Variants in KHDRBS2 observed in about 807,000 individuals in gnomAD.
KHDRBS2 encodes the protein KH domain-containing, RNA-binding, signal transduction-associated protein 2.
A neutral mutation model predicts 44.3 loss-of-function variants in KHDRBS2; 26 were observed. That is an observed-to-expected ratio of 0.59 (90% CI 0.43 to 0.81). KHDRBS2 has a LOEUF of 0.81. Ranked by LOEUF, KHDRBS2 falls within the 40% of genes least tolerant of loss-of-function variation. KHDRBS2 has a pLI of 0.00. For missense variants in KHDRBS2, 476 were observed against 433.1 expected (o/e 1.10, Z -0.88); for synonymous variants, 194 against 151.1 (o/e 1.28, Z -2.08).
chr6:61,698,269 C>T (rs1422967056), intron 7 of KHDRBS2, among the ~76,000 whole-genome samples: 1 of 152,064 alleles, frequency 6.6e-6, no homozygotes, highest in African/African-American at 2.4e-5. Flanking sequence ...CCTATGGTTA[C>T]CTTCTCATTT....
chr6:61,688,046 T>A (rs1767005786), intron 8 of KHDRBS2, among the ~76,000 whole-genome samples: 1 of 151,902 alleles, frequency 6.6e-6, no homozygotes. Flanking sequence ...ATTTTATTTC[T>A]AATTATCATC....
chr6:61,956,354 A>T (rs1383395744), intron 4 of KHDRBS2, among the ~76,000 whole-genome samples: 1 of 152,244 alleles, frequency 6.6e-6, no homozygotes, highest in Non-Finnish European at 1.5e-5. Context: ...AAAAGACATC[A>T]TAGGGGGTAA....
chr6:62,107,234 C>T (rs1392619599), intron 2 of KHDRBS2, among the ~76,000 whole-genome samples: 4 of 152,106 alleles, frequency 2.6e-5, no homozygotes, highest in Non-Finnish European at 4.4e-5. Flanking sequence ...TGATAAGCAA[C>T]TTCAGCAAAG....
intron 6 of KHDRBS2, among the ~76,000 whole-genome samples, chr6:61,870,968 T>G (rs1798572505): frequency 6.6e-6 from 1 of 152,168 alleles, no homozygotes; most frequent in Non-Finnish European, 1.5e-5. Context: ...GGATCACAAC[T>G]TCTCTCCAGC....
intron 6 of KHDRBS2, among the ~76,000 whole-genome samples, chr6:61,877,910 T>C (rs1010810485): frequency 5.9e-5 from 9 of 151,964 alleles, no homozygotes; most frequent in African/African-American, 2.2e-4. Context: ...AAATGTTTAA[T>C]AGTTGAAGAT....
At chr6:62,196,150 A>C (rs1275650218) in intron 1 of KHDRBS2, among the ~76,000 whole-genome samples, 3 of 152,178 alleles carry the variant, frequency 2.0e-5, no homozygotes, top group Non-Finnish European at 4.4e-5. Flanking sequence ...CAGAATTTGA[A>C]ATCCCTGTAT....
At chr6:61,615,872 G>C in the KHDRBS2 span, among the ~76,000 whole-genome samples, 1 of 152,130 alleles carries the variant, frequency 6.6e-6, no homozygotes, top group Non-Finnish European at 1.5e-5. Context: ...CCTACCAGAG[G>C]AAAAATTAGA....
chr6:61,886,617 A>G (rs1334943450), intron 6 of KHDRBS2, among the ~76,000 whole-genome samples: 1 of 152,116 alleles, frequency 6.6e-6, no homozygotes, highest in Admixed American at 6.6e-5. Context: ...CCCAAATATC[A>G]TAAGTAGGTT....
chr6:62,278,433 C>T lies in KHDRBS2; in HGVS notation c.91+7425G>A, dbSNP rs1441937443. On this transcript the variant is annotated intron_variant, in intron 1 of 8. Coordinates refer to ENST00000281156, the MANE Select transcript of KHDRBS2 (RefSeq NM_152688.4). ...TATGTTCCCATTCTCAGGTACCAGG[C>T]CATAAAAAAACCTTAAAATCAGATA... is the stretch of plus-strand genomic sequence containing the variant. Among the ~76,000 whole-genome samples, 10 of 151,972 alleles carry T rather than the reference C, an allele frequency of 6.6e-5. No individual in the cohort carries two copies. In the East Asian group the frequency reaches 1.9e-3, roughly 29 times the overall value.
chr6:62,092,361 T>A (rs576529254), intron 2 of KHDRBS2, among the ~76,000 whole-genome samples: 1 of 152,194 alleles, frequency 6.6e-6, no homozygotes, highest in African/African-American at 2.4e-5. Flanking sequence ...AATATCTTCA[T>A]AGAGGTAATC....
rs57424514 is a variant in KHDRBS2, at chr6:62,087,653, T to A, written c.220-39659A>T. On this transcript the variant is annotated intron_variant, in intron 2 of 8. Transcript: ENST00000281156. The stretch of plus-strand genomic sequence containing the variant: ...TTTCCTTTATTTCAAGCTTGGTGAA[T>A]CTGATCATTATGTGTCTTGAGGTTG... 3.8e-3 allele frequency among the ~76,000 whole-genome samples: 584 copies of A among 152,296 alleles called. 2 individuals carry two copies. Among genetic ancestry groups the A allele is most frequent in the African/African-American group, 0.014 (565 of 41,548 alleles).
At chr6:62,281,141 A>G (rs1205643585) in intron 1 of KHDRBS2, among the ~76,000 whole-genome samples, 2 of 149,662 alleles carry the variant, frequency 1.3e-5, no homozygotes, top group Non-Finnish European at 2.9e-5. Context: ...ACTAAACATG[A>G]TATTTTTAAA....
At chr6:62,017,782 C>T (rs1781473369) in intron 3 of KHDRBS2, among the ~76,000 whole-genome samples, 1 of 152,040 alleles carries the variant, frequency 6.6e-6, no homozygotes, top group African/African-American at 2.4e-5. Context: ...ATTTTTCATT[C>T]TAAAGTATAA....
chr6:61,633,183 T>C, the KHDRBS2 span, among the ~76,000 whole-genome samples: 1 of 152,038 alleles, frequency 6.6e-6, no homozygotes, highest in Non-Finnish European at 1.5e-5. Context: ...ATAAAAGAAC[T>C]GTTTCCAAAC....
chr6:62,056,326 C>T (rs553677635), intron 2 of KHDRBS2, among the ~76,000 whole-genome samples: 1 of 152,012 alleles, frequency 6.6e-6, no homozygotes, highest in African/African-American at 2.4e-5. Context: ...TAACGCTTTA[C>T]ATAAAACTCA....
chr6:61,663,500 C>CATATATATATATATATATGTAT, the KHDRBS2 span, among the ~76,000 whole-genome samples: 68 of 35,992 alleles, frequency 1.9e-3, 17 homozygotes, highest in South Asian at 4.9e-3. Context: ...CATGAGACAC[C>CATATATATATATATATATGTAT]ATATATATAT....
the KHDRBS2 span, among the ~76,000 whole-genome samples, chr6:61,616,675 A>C: frequency 6.6e-6 from 1 of 151,954 alleles, no homozygotes; most frequent in Non-Finnish European, 1.5e-5. Context: ...CTGTTACTTT[A>C]TTTCTTTTTG....
intron 3 of KHDRBS2, among the ~76,000 whole-genome samples, chr6:62,032,437 G>A (rs1784518009): frequency 6.6e-6 from 1 of 151,892 alleles, no homozygotes; most frequent in South Asian, 2.1e-4. Flanking sequence ...TCAGAACTCG[G>A]ACTGGCTCTC....
chr6:62,282,163 G>C (rs113374858), intron 1 of KHDRBS2, among the ~76,000 whole-genome samples: 37 of 152,164 alleles, frequency 2.4e-4, no homozygotes, highest in African/African-American at 8.2e-4. Flanking sequence ...ACTAAAAAAT[G>C]GTTCTTATTG....
Sources: allele counts gnomAD v4.1 joint callset (sites outside exome capture counted in the v4.1 genomes callset), GRCh38; gene constraint gnomAD v4.1.1; transcripts MANE v1.5; gene names NCBI Gene and HGNC (gene_info 2026-07-23, HGNC 2026-07-21).